Variants in LRP1B observed in about 807,000 individuals in gnomAD.
LRP1B encodes LDL receptor related protein 1B, also known as low-density lipoprotein receptor-related protein 1B.
In LRP1B, 217 loss-of-function variants were observed where a neutral mutation model predicts 556.6. That is an observed-to-expected ratio of 0.39 (90% CI 0.35 to 0.44). The LOEUF is 0.44. Ranked by LOEUF, LRP1B falls within the 20% of genes least tolerant of loss-of-function variation. The pLI, the probability that LRP1B is intolerant of heterozygous loss-of-function variation, is 1.00. For missense variants in LRP1B, 5,053 were observed against 5,620.8 expected, an observed-to-expected ratio of 0.90 and a Z score of 3.23; for synonymous variants, 2,047 against 1,865.8, an observed-to-expected ratio of 1.10 and a Z score of -2.50.
intron 1 of LRP1B, among the ~76,000 whole-genome samples, chr2:142,085,311 T>C (rs1705875163): frequency 6.6e-6 from 1 of 152,180 alleles, no homozygotes; most frequent in Non-Finnish European, 1.5e-5. Flanking sequence ...CATATTAACA[T>C]GTGAGATAAC....
chr2:141,531,031 A>G (rs1684854150), intron 2 of LRP1B, among the ~76,000 whole-genome samples: 1 of 151,766 alleles, frequency 6.6e-6, no homozygotes, highest in Admixed American at 6.6e-5. Flanking sequence ...TAAGATTTAT[A>G]TTTTTAAAAT....
intron 23 of LRP1B, chr2:140,898,817 C>T (rs144468337): frequency 4.6e-4 from 232 of 506,730 alleles, no homozygotes; most frequent in African/African-American, 3.6e-3. Context: ...CCTAGGCCAC[C>T]GGATGTGGTG....
chr2:140,742,592 T>G (rs942679683), intron 35 of LRP1B, among the ~76,000 whole-genome samples: 2 of 151,962 alleles, frequency 1.3e-5, no homozygotes, highest in African/African-American at 4.8e-5. Context: ...AATTATATTT[T>G]TTTAATCTAT....
chr2:140,850,593 T>A (rs1244350056), intron 28 of LRP1B, among the ~76,000 whole-genome samples: 3 of 152,170 alleles, frequency 2.0e-5, no homozygotes, highest in Admixed American at 1.3e-4. Context: ...CTCACTGACC[T>A]TAGAATTTCG....
intron 3 of LRP1B, among the ~76,000 whole-genome samples, chr2:141,272,126 A>C (rs1017543898): frequency 3.3e-5 from 5 of 152,072 alleles, no homozygotes; most frequent in Non-Finnish European, 7.4e-5. Flanking sequence ...AATTATAGCT[A>C]TGTATTATTG....
intron 1 of LRP1B, among the ~76,000 whole-genome samples, chr2:142,002,869 C>T (rs1702697418): frequency 1.3e-5 from 2 of 152,098 alleles, no homozygotes; most frequent in African/African-American, 4.8e-5. Context: ...GGAGGCAATG[C>T]GATCTCTCTT....
chr2:140,536,614 T>G lies in LRP1B; in HGVS notation c.7609A>C (p.Lys2537Gln). The G allele has an allele frequency of 6.2e-7, 1 of 1,611,870 alleles. No homozygotes were observed. Among genetic ancestry groups the G allele is most frequent in the Non-Finnish European group, 8.5e-7 (1 of 1,179,078 alleles). Reference protein sequence around the residue: ...QLTCDGIPHCKDKSDEKLLYC... With the variant: ...QLTCDGIPHCQDKSDEKLLYC... ...AGCAGTTTTTCATCTGATTTATCTTTACAGTGAGGAATGCCATCACAGGTG... is the reference window on the plus strand; with the variant it reads ...AGCAGTTTTTCATCTGATTTATCTTGACAGTGAGGAATGCCATCACAGGTG... Residue 2537 changes from lysine (K) to glutamine (Q), a missense_variant, in exon 46 of 91, where the codon AAA (lysine) becomes CAA (glutamine). This residue lies in a region of LRP1B where 3,619 missense variants were observed against 3,931.9 expected (regional missense o/e 0.92). Transcript: ENST00000389484.
At chr2:142,039,973 G>T (rs564933246) in intron 1 of LRP1B, among the ~76,000 whole-genome samples, 110 of 151,436 alleles carry the variant, frequency 7.3e-4, no homozygotes, top group African/African-American at 2.6e-3. Context: ...CCAACTAATT[G>T]TATTGTTTAC....
intron 3 of LRP1B, among the ~76,000 whole-genome samples, chr2:141,389,869 G>A (rs1431222324): frequency 1.3e-5 from 2 of 152,212 alleles, no homozygotes; most frequent in East Asian, 1.9e-4. Flanking sequence ...CCTTGGTGAG[G>A]TGGCTCATGC....
At chr2:140,706,498 A>G (rs2105440353) in intron 37 of LRP1B, among the ~76,000 whole-genome samples, 1 of 152,296 alleles carries the variant, frequency 6.6e-6, no homozygotes, top group South Asian at 2.1e-4. Flanking sequence ...TTAAAAACAT[A>G]TAATTTTAAA....
intron 41 of LRP1B, among the ~76,000 whole-genome samples, chr2:140,656,325 G>A (rs1247721071): frequency 1.3e-5 from 2 of 152,078 alleles, no homozygotes; most frequent in Non-Finnish European, 2.9e-5. Context: ...AATGGTGATT[G>A]CACATTACTT....
intron 84 of LRP1B, among the ~76,000 whole-genome samples, chr2:140,288,072 A>C (rs1310938934): frequency 6.6e-6 from 1 of 151,640 alleles, no homozygotes; most frequent in East Asian, 1.9e-4. Flanking sequence ...ATACGACCAT[A>C]GAGTAAATTA....
chr2:140,582,207 T>C (rs1681795734), intron 43 of LRP1B, among the ~76,000 whole-genome samples: 1 of 152,210 alleles, frequency 6.6e-6, no homozygotes, highest in Non-Finnish European at 1.5e-5. Context: ...ACAATAATTA[T>C]TCTCAATTTT....
At chr2:141,815,330 G>C (rs1696500702) in intron 1 of LRP1B, among the ~76,000 whole-genome samples, 2 of 152,210 alleles carry the variant, frequency 1.3e-5, no homozygotes, top group African/African-American at 4.8e-5. Context: ...GAAGAAGGTA[G>C]TGAGAGGTGA....
At chr2:141,640,515 G>A (rs745787875) in intron 2 of LRP1B, among the ~76,000 whole-genome samples, 22 of 152,094 alleles carry the variant, frequency 1.4e-4, no homozygotes, top group Admixed American at 8.5e-4. Context: ...GGCTGGGCAC[G>A]GTGACTAGGC....
intron 5 of LRP1B, among the ~76,000 whole-genome samples, chr2:141,232,260 G>A (rs764112103): frequency 3.9e-5 from 6 of 152,190 alleles, no homozygotes; most frequent in Non-Finnish European, 8.8e-5. Context: ...TTTCTCAGGT[G>A]ATAGTAAAAT....
chr2:140,713,111 A>G (rs1316075890), intron 37 of LRP1B, among the ~76,000 whole-genome samples: 1 of 152,042 alleles, frequency 6.6e-6, no homozygotes, highest in Non-Finnish European at 1.5e-5. Context: ...AAGTGACTTT[A>G]TATTTATCCA....
At chr2:141,120,019 T>C (rs931390832) in intron 7 of LRP1B, among the ~76,000 whole-genome samples, 10 of 151,928 alleles carry the variant, frequency 6.6e-5, no homozygotes, top group Non-Finnish European at 1.2e-4. Context: ...TAAAAGCTGG[T>C]AGGAAATGCT....
chr2:141,050,944 C>A (rs201729359), intron 10 of LRP1B, among the ~76,000 whole-genome samples: 55 of 151,978 alleles, frequency 3.6e-4, no homozygotes, highest in South Asian at 1.5e-3. Context: ...AAGAAAAAAC[C>A]AAAAACATCA....
Sources: allele counts gnomAD v4.1 joint callset (sites outside exome capture counted in the v4.1 genomes callset), GRCh38; gene constraint gnomAD v4.1.1; regional missense constraint gnomAD v4.1.1; transcripts MANE v1.5; gene names NCBI Gene and HGNC (gene_info 2026-07-23, HGNC 2026-07-21).